Variants in PRKG1 observed in about 807,000 individuals in gnomAD.
PRKG1 encodes protein kinase cGMP-dependent 1.
A neutral mutation model predicts 88.1 loss-of-function variants in PRKG1; 35 were observed. The observed-to-expected ratio is 0.40, with a 90% confidence interval of 0.30 to 0.53. The LOEUF (loss-of-function observed/expected upper bound fraction) is 0.53, where lower values mean the gene tolerates loss of function less well. PRKG1 is among the 20% of genes least tolerant of loss of function. The pLI is 0.59. For missense variants in PRKG1, 540 were observed against 839.8 expected (o/e 0.64, Z 4.41); for synonymous variants, 303 against 292.5 (o/e 1.04, Z -0.37).
chr10:52,174,520 C>G (rs968965046), intron 9 of PRKG1, among the ~76,000 whole-genome samples: 1 of 151,868 alleles, frequency 6.6e-6, no homozygotes, highest in Non-Finnish European at 1.5e-5. Flanking sequence ...TATAAAGAAG[C>G]ATTTAATTAC....
At chr10:51,490,789 G>T (rs1840688474) in intron 3 of PRKG1, among the ~76,000 whole-genome samples, 1 of 152,050 alleles carries the variant, frequency 6.6e-6, no homozygotes, top group Non-Finnish European at 1.5e-5. Context: ...TTTCAGGAAA[G>T]CAACCGGGCT....
chr10:51,704,593 T>G lies in PRKG1; in HGVS notation c.593-99992T>G, dbSNP rs900109411. Among the ~76,000 whole-genome samples the G allele has an allele frequency of 1.3e-3, 195 of 152,174 alleles. 3 individuals carry two copies. Among genetic ancestry groups the G allele is most frequent in the Non-Finnish European group, 4.1e-4 (28 of 68,030 alleles). On this transcript the variant is annotated intron_variant, in intron 3 of 17. Transcript: ENST00000373980. The stretch of plus-strand genomic sequence containing the variant: ...TATGTTTTAGATTATCAAGGAAAGC[T>G]TTCTGATGGAAATGAGATTTAGGGA...
chr10:51,735,873 ATATATATGTATATTTATT>A (rs1220209888), intron 3 of PRKG1, among the ~76,000 whole-genome samples: 2,234 of 97,188 alleles, frequency 0.023, 68 homozygotes, highest in African/African-American at 0.099. Context: ...ATATATATAT[ATATATATGTATATTTATT>A]TATTTATTTA....
chr10:51,858,013 TTTA>T (rs1312547736), intron 4 of PRKG1, among the ~76,000 whole-genome samples: 1 of 143,500 alleles, frequency 7.0e-6, no homozygotes, highest in South Asian at 2.1e-4. Flanking sequence ...CCTGTGTGTC[TTTA>T]AAGGCAGGAA....
At chr10:51,355,910 C>T (rs1404194679) in intron 2 of PRKG1, among the ~76,000 whole-genome samples, 1 of 151,990 alleles carries the variant, frequency 6.6e-6, no homozygotes. Flanking sequence ...CATGTTTTCA[C>T]AGAGTATTGC....
At chr10:51,706,283 A>T (rs1589219890) in intron 3 of PRKG1, among the ~76,000 whole-genome samples, 1 of 152,358 alleles carries the variant, frequency 6.6e-6, no homozygotes, top group East Asian at 1.9e-4. Flanking sequence ...AGCAAATTTC[A>T]TGTACTCAAA....
At chr10:51,810,476 T>G (rs998797782) in intron 4 of PRKG1, among the ~76,000 whole-genome samples, 1 of 152,168 alleles carries the variant, frequency 6.6e-6, no homozygotes, top group African/African-American at 2.4e-5. Flanking sequence ...ATAGAGCTGC[T>G]TTGATGATCC....
intron 3 of PRKG1, among the ~76,000 whole-genome samples, chr10:51,505,182 G>T (rs1841158136): frequency 1.3e-5 from 2 of 152,072 alleles, no homozygotes; most frequent in Admixed American, 6.6e-5. Context: ...TTAGCATGAA[G>T]GGTTGTTGAA....
intron 9 of PRKG1, among the ~76,000 whole-genome samples, chr10:52,226,861 T>A (rs944133249): frequency 4.6e-5 from 7 of 152,176 alleles, no homozygotes; most frequent in African/African-American, 1.7e-4. Flanking sequence ...CAAAGGAACC[T>A]AAGATTTATT....
chr10:51,566,669 G>T (rs141852785), intron 3 of PRKG1, among the ~76,000 whole-genome samples: 178 of 151,992 alleles, frequency 1.2e-3, no homozygotes, highest in African/African-American at 3.9e-3. Flanking sequence ...AGCTATGGGC[G>T]GGAAAACATT....
intron 4 of PRKG1, among the ~76,000 whole-genome samples, chr10:51,876,073 G>C (rs1303221048): frequency 6.6e-6 from 1 of 151,998 alleles, no homozygotes; most frequent in East Asian, 1.9e-4. Flanking sequence ...AAGGGGAAAG[G>C]AACTACCTTT....
chr10:51,645,097 C>T (rs1839884957), intron 3 of PRKG1, among the ~76,000 whole-genome samples: 1 of 152,296 alleles, frequency 6.6e-6, no homozygotes, highest in African/African-American at 2.4e-5. Context: ...GCTGGGATTA[C>T]AGGTGTCAGC....
chr10:52,086,871 C>A (rs539445129), intron 7 of PRKG1, among the ~76,000 whole-genome samples: 2 of 152,238 alleles, frequency 1.3e-5, no homozygotes, highest in East Asian at 3.9e-4. Context: ...AGGAAACTTA[C>A]AGTCATGGCA....
At chr10:51,197,660 A>C (rs1269999034) in intron 2 of PRKG1, among the ~76,000 whole-genome samples, 1 of 151,956 alleles carries the variant, frequency 6.6e-6, no homozygotes, top group Non-Finnish European at 1.5e-5. Flanking sequence ...ATATACTAGT[A>C]TATACATAGT....
chr10:51,367,037 A>G (rs1054451337), intron 2 of PRKG1, among the ~76,000 whole-genome samples: 4 of 151,926 alleles, frequency 2.6e-5, no homozygotes, highest in African/African-American at 9.7e-5. Flanking sequence ...TAAATTCATT[A>G]ATTTATCATT....
At chr10:52,142,579 C>A (rs1837611616) in intron 8 of PRKG1, among the ~76,000 whole-genome samples, 1 of 152,044 alleles carries the variant, frequency 6.6e-6, no homozygotes. Flanking sequence ...ATAGATCAAT[C>A]GATCAGTGGT....
At chr10:51,826,333 A>G (rs1472575543) in intron 4 of PRKG1, among the ~76,000 whole-genome samples, 1 of 152,208 alleles carries the variant, frequency 6.6e-6, no homozygotes, top group East Asian at 1.9e-4. Context: ...CATGCTGTGC[A>G]TACATTTTTA....
chr10:51,614,489 G>T (rs1589131967), intron 3 of PRKG1, among the ~76,000 whole-genome samples: 1 of 151,640 alleles, frequency 6.6e-6, no homozygotes, highest in East Asian at 1.9e-4. Context: ...TATTCCGCCA[G>T]TCTATACTTT....
At chr10:51,433,687 C>G (rs1838838932) in intron 2 of PRKG1, among the ~76,000 whole-genome samples, 1 of 152,110 alleles carries the variant, frequency 6.6e-6, no homozygotes, top group Non-Finnish European at 1.5e-5. Context: ...TATGTGTTCA[C>G]ATAGAACTAT....
Sources: allele counts gnomAD v4.1 joint callset (sites outside exome capture counted in the v4.1 genomes callset), GRCh38; gene constraint gnomAD v4.1.1; transcripts MANE v1.5; gene names NCBI Gene and HGNC (gene_info 2026-07-23, HGNC 2026-07-21).